The following KCNQ5 variants were observed in gnomAD, a reference collection of about 807,000 sequenced individuals.
KCNQ5 encodes the protein potassium voltage-gated channel subfamily KQT member 5.
KCNQ5 carries 30 observed loss-of-function variants against 98.2 expected under a neutral mutation model. That is an observed-to-expected ratio of 0.31 (90% confidence interval 0.23 to 0.41). The LOEUF (loss-of-function observed/expected upper bound fraction) is 0.41. Among genes scored for constraint, KCNQ5 ranks in the 10% least tolerant of loss-of-function variants. The pLI is 1.00. For synonymous variants in KCNQ5, 458 were observed against 449.4 expected, an observed-to-expected ratio of 1.02 and a Z score of -0.24; for missense variants, 835 against 1,182.5, an observed-to-expected ratio of 0.71 and a Z score of 4.31.
intron 1 of KCNQ5, among the ~76,000 whole-genome samples, chr6:72,976,548 T>G (rs1224376322): frequency 1.3e-5 from 2 of 152,240 alleles, no homozygotes; most frequent in Non-Finnish European, 2.9e-5. Flanking sequence ...CAAATAACTT[T>G]TATTCATTCA....
At chr6:72,844,441 C>G (rs1776936421) in intron 1 of KCNQ5, among the ~76,000 whole-genome samples, 2 of 152,110 alleles carry the variant, frequency 1.3e-5, no homozygotes, top group African/African-American at 4.8e-5. Context: ...TAGATCCATT[C>G]TATAATGAAA....
chr6:73,170,120 G>GT (rs1236337292), intron 11 of KCNQ5, among the ~76,000 whole-genome samples: 1 of 152,168 alleles, frequency 6.6e-6, no homozygotes, highest in African/African-American at 2.4e-5. Context: ...CTTGTCGTGT[G>GT]TATTTGCTAC....
intron 1 of KCNQ5, among the ~76,000 whole-genome samples, chr6:72,753,441 T>C (rs1461121602): frequency 1.3e-5 from 2 of 152,014 alleles, no homozygotes; most frequent in Admixed American, 6.6e-5. Flanking sequence ...GGGACTTTAC[T>C]TGGATAAATA....
chr6:72,889,005 C>T (rs1167162081), intron 1 of KCNQ5, among the ~76,000 whole-genome samples: 1 of 151,912 alleles, frequency 6.6e-6, no homozygotes, highest in Non-Finnish European at 1.5e-5. Flanking sequence ...AAACATTCCA[C>T]ATAAGTAAGT....
intron 2 of KCNQ5, among the ~76,000 whole-genome samples, chr6:73,014,588 A>C (rs1270841500): frequency 1.3e-5 from 2 of 152,088 alleles, no homozygotes; most frequent in East Asian, 3.9e-4. Flanking sequence ...TCAGGTAGCA[A>C]AGTAAACATG....
intron 1 of KCNQ5, among the ~76,000 whole-genome samples, chr6:72,841,127 G>C (rs1776770273): frequency 6.6e-6 from 1 of 152,154 alleles, no homozygotes; most frequent in Non-Finnish European, 1.5e-5. Flanking sequence ...TCACTGCCAT[G>C]ACTGCAAGCT....
chr6:72,642,066 G>A, intron 1 of KCNQ5, among the ~76,000 whole-genome samples: 1 of 150,986 alleles, frequency 6.6e-6, no homozygotes, highest in South Asian at 2.1e-4. Flanking sequence ...AAGGGAAGGG[G>A]GATGTAAGGC....
chr6:72,663,207 A>G (rs1766617820), intron 1 of KCNQ5, among the ~76,000 whole-genome samples: 1 of 152,100 alleles, frequency 6.6e-6, no homozygotes, highest in African/African-American at 2.4e-5. Flanking sequence ...GCAGCAAACC[A>G]CCATGGCACG....
intron 11 of KCNQ5, among the ~76,000 whole-genome samples, chr6:73,185,448 C>T (rs1458694046): frequency 1.3e-5 from 2 of 152,182 alleles, no homozygotes; most frequent in Non-Finnish European, 2.9e-5. Context: ...CCCCAAAGTG[C>T]TGTGATTACA....
rs1214549375 is a variant in KCNQ5 at position 73,187,393 on chromosome 6, C to T, written c.1578-3180C>T. Among the ~76,000 whole-genome samples the T allele has an allele frequency of 3.3e-5, 5 of 152,114 alleles. No homozygotes were observed. The East Asian group carries it at 7.7e-4, about 23-fold the overall frequency. On this transcript the variant is annotated intron_variant, in intron 11 of 13. Transcript: ENST00000370398. ...CCAAAATTCTTAAAAGTAGTCAGTG[C>T]TTGGGAGTCAATGCAAGGTTGCTCC...
At chr6:72,935,707 G>C (rs941409004) in intron 1 of KCNQ5, among the ~76,000 whole-genome samples, 1 of 152,026 alleles carries the variant, frequency 6.6e-6, no homozygotes, top group African/African-American at 2.4e-5. Context: ...TCAAAGGGAC[G>C]GTCTCCACTT....
At chr6:73,075,368 A>G (rs1413524145) in intron 3 of KCNQ5, among the ~76,000 whole-genome samples, 5 of 151,874 alleles carry the variant, frequency 3.3e-5, no homozygotes, top group African/African-American at 7.3e-5. Context: ...GATTACAGGC[A>G]CGTGCCACCA....
chr6:72,915,461 C>T (rs780214858), intron 1 of KCNQ5, among the ~76,000 whole-genome samples: 18 of 152,044 alleles, frequency 1.2e-4, no homozygotes, highest in Admixed American at 9.8e-4. Context: ...AACAAAGAAT[C>T]CAACAAAATT....
At chr6:72,677,121 C>T (rs1357190144) in intron 1 of KCNQ5, 1 of 152,182 alleles carries the variant, frequency 6.6e-6, no homozygotes, top group Non-Finnish European at 1.5e-5. Context: ...GCATGGCGTA[C>T]TACTCTCTGA....
chr6:72,981,644 G>C (rs1768457958), intron 1 of KCNQ5, among the ~76,000 whole-genome samples: 1 of 151,946 alleles, frequency 6.6e-6, no homozygotes, highest in Admixed American at 6.6e-5. Context: ...AGGGTTTTTT[G>C]TGTCTCTAAC....
intron 3 of KCNQ5, among the ~76,000 whole-genome samples, chr6:73,053,451 C>CTCATCTG (rs1279081507): frequency 2.0e-5 from 3 of 152,110 alleles, no homozygotes; most frequent in African/African-American, 7.2e-5. Flanking sequence ...ATATATTCTT[C>CTCATCTG]TCATCTGCAC....
intron 2 of KCNQ5, among the ~76,000 whole-genome samples, chr6:73,021,117 C>G (rs1006674468): frequency 2.0e-5 from 3 of 152,138 alleles, no homozygotes; most frequent in African/African-American, 7.2e-5. Flanking sequence ...AAAGTTTACC[C>G]TGACTCTCCA....
chr6:72,683,659 G>A (rs1767817504), intron 1 of KCNQ5, among the ~76,000 whole-genome samples: 1 of 151,678 alleles, frequency 6.6e-6, no homozygotes, highest in Non-Finnish European at 1.5e-5. Flanking sequence ...GAGCTACTGC[G>A]CCTGGCCCAC....
chr6:72,827,040 T>C (rs1366340026), intron 1 of KCNQ5, among the ~76,000 whole-genome samples: 1 of 152,140 alleles, frequency 6.6e-6, no homozygotes, highest in Admixed American at 6.6e-5. Context: ...TCTATGTTGC[T>C]ATGAATGATA....
Sources: allele counts gnomAD v4.1 joint callset (sites outside exome capture counted in the v4.1 genomes callset), GRCh38; gene constraint gnomAD v4.1.1; transcripts MANE v1.5; gene names NCBI Gene and HGNC (gene_info 2026-07-23, HGNC 2026-07-21).